The following EPHA5 variants were observed in gnomAD, a reference collection of about 807,000 sequenced individuals.
EPHA5 encodes EPH receptor A5.
In EPHA5, 60 loss-of-function variants were observed where a neutral mutation model predicts 105.0. The ratio of observed to expected loss-of-function variants is 0.57; its 90% CI spans 0.46 to 0.71. EPHA5 has a LOEUF of 0.71. Ranked by LOEUF, EPHA5 falls within the 30% of genes least tolerant of loss-of-function variation. EPHA5 has a pLI of 0.00. For synonymous variants in EPHA5, 513 were observed against 449.1 expected, an observed-to-expected ratio of 1.14 and a Z score of -1.80; for missense variants, 1,218 against 1,274.7, an observed-to-expected ratio of 0.96 and a Z score of 0.68.
intron 3 of EPHA5, among the ~76,000 whole-genome samples, chr4:65,595,756 A>G (rs1743113640): frequency 6.6e-6 from 1 of 151,776 alleles, no homozygotes; most frequent in Non-Finnish European, 1.5e-5. Context: ...AATTTTTTGT[A>G]TATTTACTAG....
intron 5 of EPHA5, among the ~76,000 whole-genome samples, chr4:65,483,987 T>C: frequency 6.6e-6 from 1 of 152,226 alleles, no homozygotes; most frequent in Non-Finnish European, 1.5e-5. Context: ...ACTTACCTAT[T>C]CAGTCTACAT....
chr4:65,409,431 A>G (rs1722711481), intron 7 of EPHA5, among the ~76,000 whole-genome samples: 2 of 152,016 alleles, frequency 1.3e-5, no homozygotes. Flanking sequence ...ATGTTTCTTA[A>G]AAAAATCATT....
At chr4:65,452,497 G>A (rs1392185361) in intron 5 of EPHA5, among the ~76,000 whole-genome samples, 2 of 151,766 alleles carry the variant, frequency 1.3e-5, no homozygotes, top group East Asian at 3.9e-4. Context: ...GACAGAGAAG[G>A]GTAGTTACTC....
intron 3 of EPHA5, among the ~76,000 whole-genome samples, chr4:65,525,416 A>G (rs1480959872): frequency 6.6e-6 from 1 of 151,870 alleles, no homozygotes; most frequent in Non-Finnish European, 1.5e-5. Context: ...AGCCTTTTAT[A>G]TATGAGGCTG....
intron 3 of EPHA5, among the ~76,000 whole-genome samples, chr4:65,592,598 T>C (rs1190098270): frequency 6.6e-6 from 1 of 151,876 alleles, no homozygotes; most frequent in Non-Finnish European, 1.5e-5. Flanking sequence ...AACCTCCTAA[T>C]GGGAAGAAGA....
rs114729825 is a variant in EPHA5 at position 65,562,735 on chromosome 4, G to C, written c.910+38906C>G. 4.1e-3 allele frequency among the ~76,000 whole-genome samples: 629 copies of C among 151,946 alleles called. 8 individuals are homozygous for C. Among genetic ancestry groups the C allele is most frequent in the African/African-American group, 0.015 (605 of 41,508 alleles). Reference sequence around the variant, plus strand: ...GTATAGAGCTTCTTCTCACTTTTTTGAAATATTCTGTTTTTAAGAAAATCT... The same window carrying C: ...GTATAGAGCTTCTTCTCACTTTTTTCAAATATTCTGTTTTTAAGAAAATCT... On this transcript the variant is annotated intron_variant, in intron 3 of 16. Transcript: ENST00000613740.
At chr4:65,387,055 C>A (rs1262546070) in intron 8 of EPHA5, among the ~76,000 whole-genome samples, 2 of 151,830 alleles carry the variant, frequency 1.3e-5, no homozygotes, top group East Asian at 1.9e-4. Context: ...ATTAATCTAA[C>A]CTCTAAGAAT....
At position 65,335,223 on chromosome 4, in the gene EPHA5, TG is replaced by T. The variant is rs1721056382; in HGVS notation, c.2789+708del. On this transcript the variant is annotated intron_variant, in intron 15 of 16. Coordinates refer to ENST00000613740, the MANE Select transcript of EPHA5 (RefSeq NM_001281766.3). The stretch of plus-strand genomic sequence containing the variant: ...AATAACAATCTGGTAAATTTTCTAG[TG>T]CAGAATCAAACTGATTTATTTTTTG... 1.3e-5 allele frequency among the ~76,000 whole-genome samples: 2 copies of T among 152,014 alleles called. 1 individual carries two copies. The highest frequency in any genetic ancestry group is 4.1e-4 in the South Asian group (2 of 4,832).
In EPHA5 at chr4:65,352,242, C is replaced by G. The variant is rs115155351; in HGVS notation, c.2236-644G>C. Among the ~76,000 whole-genome samples the G allele has an allele frequency of 2.0e-3, 309 of 152,050 alleles. 2 individuals are homozygous for G. The highest frequency in any genetic ancestry group is 3.5e-3 in the Non-Finnish European group (239 of 67,962). On this transcript the variant is annotated intron_variant, in intron 12 of 16. Transcript: ENST00000613740. ...GATAAAATAATTTGGCAGAGTCTGG[C>G]AGTAGGAAGAAAAATTTGACTTTTC...
At chr4:65,576,135 G>GA (rs199789696) in intron 3 of EPHA5, among the ~76,000 whole-genome samples, 4,969 of 128,646 alleles carry the variant, frequency 0.039, 326 homozygotes, top group African/African-American at 0.13. Context: ...GAAAAGAAAA[G>GA]AAAGAAAGAA....
At chr4:65,575,763 G>A (rs1740830026) in intron 3 of EPHA5, among the ~76,000 whole-genome samples, 1 of 151,834 alleles carries the variant, frequency 6.6e-6, no homozygotes, top group South Asian at 2.1e-4. Context: ...CCTGACATCA[G>A]GACTTTGAGA....
chr4:65,456,192 G>C (rs1727566189), intron 5 of EPHA5, among the ~76,000 whole-genome samples: 1 of 152,302 alleles, frequency 6.6e-6, no homozygotes, highest in South Asian at 2.1e-4. Flanking sequence ...TGCTCTGCTA[G>C]CCTGTCAGTG....
chr4:65,446,817 G>C (rs1726581150), intron 5 of EPHA5, among the ~76,000 whole-genome samples: 1 of 152,000 alleles, frequency 6.6e-6, no homozygotes, highest in South Asian at 2.1e-4. Flanking sequence ...GGTGAAGTTG[G>C]AGAATAAAAC....
At chr4:65,633,751 TACCTCA>T (rs1746858928) in intron 2 of EPHA5, among the ~76,000 whole-genome samples, 1 of 152,030 alleles carries the variant, frequency 6.6e-6, no homozygotes, top group Non-Finnish European at 1.5e-5. Flanking sequence ...TGTTAACAGG[TACCTCA>T]TGTCACAGGA....
intron 3 of EPHA5, among the ~76,000 whole-genome samples, chr4:65,560,210 A>C (rs976562310): frequency 6.6e-6 from 1 of 152,140 alleles, no homozygotes; most frequent in Non-Finnish European, 1.5e-5. Context: ...ATAATTTGAC[A>C]ATAGATATAT....
chr4:65,345,567 AACAG>A (rs1722134789), intron 14 of EPHA5, among the ~76,000 whole-genome samples: 1 of 152,188 alleles, frequency 6.6e-6, no homozygotes, highest in African/African-American at 2.4e-5. Flanking sequence ...TCAGATGGGG[AACAG>A]ACAGAGAGCG....
chr4:65,326,403 A>G (rs1460936343), intron 16 of EPHA5, among the ~76,000 whole-genome samples: 1 of 151,296 alleles, frequency 6.6e-6, no homozygotes, highest in Non-Finnish European at 1.5e-5. Context: ...TAAAATGAGA[A>G]TCCTGTAAAT....
At chr4:65,417,594 A>G (rs1218383801) in intron 6 of EPHA5, among the ~76,000 whole-genome samples, 2 of 152,100 alleles carry the variant, frequency 1.3e-5, no homozygotes, top group African/African-American at 4.8e-5. Context: ...TTTATTGGAA[A>G]TATGTTTAGA....
chr4:65,619,362 A>G (rs935858034), intron 2 of EPHA5, among the ~76,000 whole-genome samples: 2 of 152,196 alleles, frequency 1.3e-5, no homozygotes, highest in African/African-American at 4.8e-5. Flanking sequence ...AGATATGTAT[A>G]TATAGGCATA....
Sources: gnomAD v4.1 joint callset for allele counts (sites outside exome capture counted in the v4.1 genomes callset) on GRCh38, gnomAD v4.1.1 for gene constraint, MANE v1.5 for transcripts, NCBI Gene and HGNC (gene_info 2026-07-23, HGNC 2026-07-21) for gene names.